The following GRID2 variants were observed in gnomAD, a reference collection of about 807,000 sequenced individuals.
GRID2 encodes glutamate ionotropic receptor delta type subunit 2.
Under a neutral mutation model 114.8 loss-of-function variants are expected in GRID2, and 33 were observed. That is an observed-to-expected ratio of 0.29 (90% CI 0.22 to 0.38). The LOEUF is 0.38. Ranked by LOEUF, GRID2 falls within the 10% of genes least tolerant of loss-of-function variation. The pLI is 1.00. For missense variants in GRID2, 1,184 were observed against 1,257.7 expected, an observed-to-expected ratio of 0.94 and a Z score of 0.89; for synonymous variants, 505 against 449.9, an observed-to-expected ratio of 1.12 and a Z score of -1.55.
intron 2 of GRID2, among the ~76,000 whole-genome samples, chr4:92,592,669 A>T (rs957982536): frequency 6.6e-6 from 1 of 152,128 alleles, no homozygotes; most frequent in Admixed American, 6.6e-5. Context: ...GGTTTCTGAT[A>T]CTAACAGGAT....
intron 13 of GRID2, among the ~76,000 whole-genome samples, chr4:93,516,382 G>A (rs908110360): frequency 3.3e-5 from 5 of 151,984 alleles, no homozygotes; most frequent in African/African-American, 1.2e-4. Context: ...TACTACTATG[G>A]TCCCTAGAGT....
In GRID2 at chr4:93,378,137, C is replaced by T. The variant is rs540693555; in HGVS notation, c.1246-17470C>T. 1.9e-4 allele frequency among the ~76,000 whole-genome samples: 29 copies of T among 152,122 alleles called. No individual in the cohort carries two copies. The South Asian group carries it at 5.4e-3, about 28-fold the overall frequency. ...AATGACTGTTTCAAAAAATTTATACCTTCAACAAAACTTTAATCCTATTTT... is the reference window on the plus strand; with the variant it reads ...AATGACTGTTTCAAAAAATTTATACTTTCAACAAAACTTTAATCCTATTTT... On this transcript the variant is annotated intron_variant, in intron 8 of 15. Coordinates refer to ENST00000282020, the MANE Select transcript of GRID2 (RefSeq NM_001510.4).
intron 2 of GRID2, among the ~76,000 whole-genome samples, chr4:92,762,904 C>T (rs1263373357): frequency 2.0e-5 from 3 of 152,188 alleles, no homozygotes; most frequent in Admixed American, 6.5e-5. Context: ...CTATGCTTTA[C>T]TCTGATGTTT....
chr4:92,941,340 T>C (rs1751110470), intron 2 of GRID2, among the ~76,000 whole-genome samples: 1 of 152,208 alleles, frequency 6.6e-6, no homozygotes, highest in South Asian at 2.1e-4. Flanking sequence ...TTGTAGATTT[T>C]CTAGTTTATT....
At chr4:93,432,525 T>C (rs974018456) in intron 10 of GRID2, among the ~76,000 whole-genome samples, 1 of 152,114 alleles carries the variant, frequency 6.6e-6, no homozygotes. Context: ...GTTCTAGAAT[T>C]TGACCTTGAG....
chr4:92,706,815 A>G (rs890138829), intron 2 of GRID2, among the ~76,000 whole-genome samples: 3 of 152,182 alleles, frequency 2.0e-5, no homozygotes, highest in Admixed American at 6.5e-5. Flanking sequence ...TAAATTCTCT[A>G]TAATTACAAC....
At chr4:93,237,582 A>T (rs1032761065) in intron 7 of GRID2, among the ~76,000 whole-genome samples, 1 of 151,926 alleles carries the variant, frequency 6.6e-6, no homozygotes, top group Non-Finnish European at 1.5e-5. Context: ...TAAGTTAGAC[A>T]TATTTTAGCA....
At chr4:92,580,895 T>TTGA (rs71869201) in intron 1 of GRID2, among the ~76,000 whole-genome samples, 1 of 92,780 alleles carries the variant, frequency 1.1e-5, no homozygotes, top group South Asian at 3.8e-4. Flanking sequence ...TATTTGTTTT[T>TTGA]TTTTTTTTTT....
intron 14 of GRID2, among the ~76,000 whole-genome samples, chr4:93,673,216 T>C (rs1469691784): frequency 1.3e-5 from 2 of 152,184 alleles, no homozygotes; most frequent in South Asian, 4.1e-4. Flanking sequence ...TTATAAAAAT[T>C]GAGACTACCC....
intron 9 of GRID2, among the ~76,000 whole-genome samples, chr4:93,406,257 TA>T (rs1766402939): frequency 6.6e-6 from 1 of 152,130 alleles, no homozygotes; most frequent in South Asian, 2.1e-4. Flanking sequence ...CTTTGATACC[TA>T]AAAGGTTGGA....
intron 8 of GRID2, among the ~76,000 whole-genome samples, chr4:93,250,653 T>C (rs1360169991): frequency 7.0e-6 from 1 of 143,764 alleles, no homozygotes; most frequent in East Asian, 1.9e-4. Flanking sequence ...TATATATATA[T>C]ATTTTATATA....
chr4:93,394,432 A>G (rs973227005), intron 8 of GRID2, among the ~76,000 whole-genome samples: 1 of 151,934 alleles, frequency 6.6e-6, no homozygotes, highest in Non-Finnish European at 1.5e-5. Flanking sequence ...TCATTTTCTT[A>G]ATTAAACACC....
At chr4:92,452,866 T>TATATTTACCATATATA in intron 1 of GRID2, among the ~76,000 whole-genome samples, 1 of 144,484 alleles carries the variant, frequency 6.9e-6, no homozygotes, top group African/African-American at 2.7e-5. Flanking sequence ...ACCATATATA[T>TATATTTACCATATATA]TTTTTTACCA....
chr4:92,961,426 T>C (rs1752802257), intron 2 of GRID2, among the ~76,000 whole-genome samples: 1 of 151,392 alleles, frequency 6.6e-6, no homozygotes, highest in African/African-American at 2.4e-5. Context: ...CTCTTTCACA[T>C]TTTAAGGATA....
chr4:93,664,585 A>T (rs754310619), intron 14 of GRID2, among the ~76,000 whole-genome samples: 1 of 152,176 alleles, frequency 6.6e-6, no homozygotes, highest in Non-Finnish European at 1.5e-5. Flanking sequence ...GGTTTGAACA[A>T]CTAGAAGGGT....
chr4:92,842,036 C>CA (rs962210100), intron 2 of GRID2, among the ~76,000 whole-genome samples: 14 of 152,182 alleles, frequency 9.2e-5, no homozygotes, highest in African/African-American at 3.4e-4. Flanking sequence ...TGCAACTTTA[C>CA]AAAACCCCTT....
At chr4:92,477,212 TTAACTG>T (rs1178097226) in intron 1 of GRID2, among the ~76,000 whole-genome samples, 1 of 152,088 alleles carries the variant, frequency 6.6e-6, no homozygotes, top group Non-Finnish European at 1.5e-5. Context: ...ATATTTTTTT[TTAACTG>T]TAACTGTTTT....
At chr4:93,082,935 CCTTCTA>C (rs1419619024) in intron 2 of GRID2, among the ~76,000 whole-genome samples, 1 of 152,082 alleles carries the variant, frequency 6.6e-6, no homozygotes, top group African/African-American at 2.4e-5. Flanking sequence ...TGGAATATAT[CCTTCTA>C]AATCTGAAGA....
intron 4 of GRID2, among the ~76,000 whole-genome samples, chr4:93,126,167 A>G (rs2149368383): frequency 6.6e-6 from 1 of 152,324 alleles, no homozygotes; most frequent in Non-Finnish European, 1.5e-5. Context: ...AATTTCACTC[A>G]CTATTATTTA....
Sources: allele counts gnomAD v4.1 joint callset (sites outside exome capture counted in the v4.1 genomes callset), GRCh38; gene constraint gnomAD v4.1.1; transcripts MANE v1.5; gene names NCBI Gene and HGNC (gene_info 2026-07-23, HGNC 2026-07-21).